The following KCNQ3 variants were observed in gnomAD, a reference collection of about 807,000 sequenced individuals.
The protein encoded by KCNQ3 is potassium voltage-gated channel subfamily Q member 3, also known as potassium voltage-gated channel subfamily KQT member 3.
In KCNQ3, 30 loss-of-function variants were observed where a neutral mutation model predicts 92.5. The observed-to-expected ratio is 0.32, with a 90% CI of 0.24 to 0.44. KCNQ3 has a LOEUF of 0.44. KCNQ3 is among the 20% of genes least tolerant of loss of function. The pLI, the probability that KCNQ3 is intolerant of heterozygous loss-of-function variation, is 1.00. For missense variants in KCNQ3, 913 were observed against 1,140.3 expected (o/e 0.80, Z 2.87); for synonymous variants, 450 against 468.8 (o/e 0.96, Z 0.52).
intron 1 of KCNQ3, among the ~76,000 whole-genome samples, chr8:132,367,976 T>A (rs531445218): frequency 2.6e-5 from 4 of 152,288 alleles, no homozygotes; most frequent in African/African-American, 9.6e-5. Flanking sequence ...TGCACCATCA[T>A]GATGCAGGAA....
intron 1 of KCNQ3, among the ~76,000 whole-genome samples, chr8:132,320,404 T>C (rs1286766921): frequency 6.6e-6 from 1 of 152,126 alleles, no homozygotes; most frequent in African/African-American, 2.4e-5. Flanking sequence ...GAGATGGTCT[T>C]TCTTGCCTGT....
intron 1 of KCNQ3, among the ~76,000 whole-genome samples, chr8:132,457,432 C>T (rs1291747453): frequency 6.6e-6 from 1 of 152,214 alleles, no homozygotes; most frequent in Non-Finnish European, 1.5e-5. Flanking sequence ...CACCACTCAG[C>T]TACCCCAACC....
intron 1 of KCNQ3, among the ~76,000 whole-genome samples, chr8:132,313,738 T>C (rs1817664086): frequency 6.6e-6 from 1 of 152,190 alleles, no homozygotes; most frequent in African/African-American, 2.4e-5. Context: ...TTGAAAAATA[T>C]AGTCAGAATA....
intron 1 of KCNQ3, among the ~76,000 whole-genome samples, chr8:132,269,316 T>A (rs941665604): frequency 6.6e-6 from 1 of 152,246 alleles, no homozygotes; most frequent in Non-Finnish European, 1.5e-5. Flanking sequence ...CTCCTATGTT[T>A]CCTCCTATAG....
chr8:132,308,163 T>A (rs1034066823), intron 1 of KCNQ3, among the ~76,000 whole-genome samples: 1 of 152,012 alleles, frequency 6.6e-6, no homozygotes, highest in African/African-American at 2.4e-5. Context: ...AGGTTTGAGG[T>A]TGAATAAAAA....
At chr8:132,440,060 C>T (rs1238576874) in intron 1 of KCNQ3, among the ~76,000 whole-genome samples, 1 of 152,228 alleles carries the variant, frequency 6.6e-6, no homozygotes, top group African/African-American at 2.4e-5. Context: ...CTCTAGATTA[C>T]TGTAATACCT....
chr8:132,404,231 A>G (rs902169937), intron 1 of KCNQ3, among the ~76,000 whole-genome samples: 2 of 152,220 alleles, frequency 1.3e-5, no homozygotes, highest in African/African-American at 4.8e-5. Flanking sequence ...CAAAAGCTCC[A>G]GGGAAGGTGG....
intron 1 of KCNQ3, among the ~76,000 whole-genome samples, chr8:132,269,759 G>C (rs16904642): frequency 1.3e-5 from 2 of 152,048 alleles, no homozygotes; most frequent in African/African-American, 4.8e-5. Context: ...CTAAAGACAA[G>C]GGCCCAGTCT....
At chr8:132,448,086 C>T (rs1250833478) in intron 1 of KCNQ3, among the ~76,000 whole-genome samples, 1 of 152,176 alleles carries the variant, frequency 6.6e-6, no homozygotes, top group South Asian at 2.1e-4. Context: ...AACGTTCCTT[C>T]CTATTGTCAA....
At chr8:132,434,905 T>C (rs1170085081) in intron 1 of KCNQ3, among the ~76,000 whole-genome samples, 1 of 152,230 alleles carries the variant, frequency 6.6e-6, no homozygotes, top group Non-Finnish European at 1.5e-5. Flanking sequence ...GTAGGGGTCA[T>C]TATTACTTGA....
At chr8:132,311,924 C>T (rs940729655) in intron 1 of KCNQ3, among the ~76,000 whole-genome samples, 2 of 152,076 alleles carry the variant, frequency 1.3e-5, no homozygotes, top group East Asian at 1.9e-4. Flanking sequence ...ACTGGAGTTG[C>T]GTGGGAACTA....
rs375814923 is a variant in KCNQ3, at chr8:132,435,965, C to T, written c.386+44182G>A. The stretch of plus-strand genomic sequence containing the variant: ...CCTGCCCCAGCTCTGCCAGGGTTGG[C>T]CCCTGAAAGAGAGGCAGTGTCCAAA... On this transcript the variant is annotated intron_variant, in intron 1 of 14. Coordinates refer to ENST00000388996, the MANE Select transcript of KCNQ3 (RefSeq NM_004519.4). 2.2e-4 allele frequency among the ~76,000 whole-genome samples: 33 copies of T among 152,274 alleles called. No homozygotes were observed. The East Asian group carries it at 5.4e-3, about 25-fold the overall frequency.
intron 1 of KCNQ3, among the ~76,000 whole-genome samples, chr8:132,397,310 C>T (rs143970957): frequency 7.8e-4 from 119 of 152,100 alleles, no homozygotes; most frequent in African/African-American, 2.8e-3. Context: ...AGCTGGGAAA[C>T]GTGGTTATAG....
chr8:132,261,581 C>A (rs1285248493), intron 1 of KCNQ3, among the ~76,000 whole-genome samples: 4 of 152,170 alleles, frequency 2.6e-5, no homozygotes, highest in Non-Finnish European at 4.4e-5. Flanking sequence ...AGGCAGGTGG[C>A]AGAATGTGTG....
At chr8:132,138,717 G>T (rs1162242854) in intron 11 of KCNQ3, among the ~76,000 whole-genome samples, 1 of 152,190 alleles carries the variant, frequency 6.6e-6, no homozygotes, top group East Asian at 1.9e-4. Context: ...CCTAATCACA[G>T]GTCAGTGTCA....
chr8:132,454,427 C>T lies in KCNQ3; in HGVS notation c.386+25720G>A, dbSNP rs535866553. ...CTACAAGGTGTGCTCTGTGTCAATG[C>T]TGTACCAAGTGCTTTACATAAATAA... is the stretch of plus-strand genomic sequence containing the variant. On this transcript the variant is annotated intron_variant, in intron 1 of 14. Transcript: ENST00000388996. Among the ~76,000 whole-genome samples the T allele has an allele frequency of 2.3e-4, 35 of 152,356 alleles. No homozygotes were observed. In the South Asian group the frequency reaches 3.7e-3, roughly 16 times the overall value.
chr8:132,188,036 T>G (rs576852845), intron 1 of KCNQ3, among the ~76,000 whole-genome samples: 1 of 152,260 alleles, frequency 6.6e-6, no homozygotes, highest in South Asian at 2.1e-4. Context: ...GATGAAGACA[T>G]TCATCAAAAA....
chr8:132,424,326 G>C (rs868696701), intron 1 of KCNQ3, among the ~76,000 whole-genome samples: 2 of 151,736 alleles, frequency 1.3e-5, no homozygotes, highest in Admixed American at 6.6e-5. Context: ...AATGTCACAA[G>C]TACTTGACAA....
chr8:132,199,645 C>T (rs1417684793), intron 1 of KCNQ3, among the ~76,000 whole-genome samples: 1 of 152,106 alleles, frequency 6.6e-6, no homozygotes, highest in Non-Finnish European at 1.5e-5. Context: ...TGCGGTGGCT[C>T]ACGCCTGTAA....
Sources: gnomAD v4.1 joint callset for allele counts (sites outside exome capture counted in the v4.1 genomes callset) on GRCh38, gnomAD v4.1.1 for gene constraint, MANE v1.5 for transcripts, NCBI Gene and HGNC (gene_info 2026-07-23, HGNC 2026-07-21) for gene names.